CIZ1: variants seen among roughly 807,000 people sequenced by gnomAD.
The protein encoded by CIZ1 is cip1-interacting zinc finger protein.
CIZ1 carries 58 observed loss-of-function variants against 118.6 expected under a neutral mutation model. The ratio of observed to expected loss-of-function variants is 0.49; its 90% CI spans 0.40 to 0.61. The LOEUF is 0.61. CIZ1 is among the 20% of genes least tolerant of loss of function. The pLI is 0.00. For missense variants in CIZ1, 921 were observed against 1,115.9 expected (o/e 0.83, Z 2.49); for synonymous variants, 448 against 443.4 (o/e 1.01, Z -0.13).
At position 128,172,166 on chromosome 9, in the gene CIZ1, A is replaced by G. The variant is rs1438814684; in HGVS notation, c.1944-2059T>C. ...CTGTCTCAAAAAAAAAAAAAAAAAAAAAAAAAAAAAAGAAAAAAGAAAAGC... is the reference window on the plus strand; with the variant it reads ...CTGTCTCAAAAAAAAAAAAAAAAAAGAAAAAAAAAAAGAAAAAAGAAAAGC... On this transcript the variant is annotated intron_variant, in intron 11 of 16. Coordinates refer to ENST00000372938, the MANE Select transcript of CIZ1 (RefSeq NM_001131016.2). 1.7e-4 allele frequency among the ~76,000 whole-genome samples: 26 copies of G among 149,956 alleles called. 1 individual carries two copies. Among genetic ancestry groups the G allele is most frequent in the East Asian group, 7.8e-4 (4 of 5,124 alleles).
At position 128,176,442 on chromosome 9, in the gene CIZ1, G is replaced by A; in HGVS notation, c.1852C>T (p.Gln618Ter). The change falls in exon 11 of 17, where the codon CAG becomes TAG. Residue 618 changes from glutamine (Q) to a stop codon, truncating the protein, a stop_gained. Transcript: ENST00000372938. LOFTEE classifies it high-confidence loss of function. Reference protein sequence around the residue: ...FQDHMSEPQHQQRLGEIQHMS... With the variant: ...FQDHMSEPQH Reference sequence around the variant, plus strand: ...TGCTGGATCTCCCCTAGCCGCTGCTGGTGCTGAGGCTCCGACATGTGGTCC... The same window carrying A: ...TGCTGGATCTCCCCTAGCCGCTGCTAGTGCTGAGGCTCCGACATGTGGTCC... 1 of 1,613,806 alleles carries A rather than the reference G, an allele frequency of 6.2e-7. No individual in the cohort carries two copies. Among genetic ancestry groups the A allele is most frequent in the Non-Finnish European group, 8.5e-7 (1 of 1,179,962 alleles).
At chr9:128,176,687 A>C (rs992594428) in intron 10 of CIZ1, among the ~76,000 whole-genome samples, 2 of 152,196 alleles carry the variant, frequency 1.3e-5, no homozygotes, top group African/African-American at 4.8e-5. Flanking sequence ...AGAATGTGTG[A>C]GTGCCTCAAA....
At position 128,166,898 on chromosome 9, in the gene CIZ1, A is replaced by G. The variant is rs1829498277; in HGVS notation, c.2366-18T>C. ...GTCCACACCTGTAGGATGGGATGGCAGGGTCTGCACTCACATCCCTGTACC... is the reference window on the plus strand; with the variant it reads ...GTCCACACCTGTAGGATGGGATGGCGGGGTCTGCACTCACATCCCTGTACC... On this transcript the variant is annotated intron_variant, in intron 15 of 16. Coordinates refer to ENST00000372938, the MANE Select transcript of CIZ1 (RefSeq NM_001131016.2). The surrounding 1 kb of genome is among the most constrained non-coding windows in gnomAD (Gnocchi z 4.4). 1 of 1,614,070 alleles carries G rather than the reference A, an allele frequency of 6.2e-7. No individual in the cohort carries two copies. The highest frequency in any genetic ancestry group is 8.5e-7 in the Non-Finnish European group (1 of 1,180,014).
rs544826646 is a variant in CIZ1 at position 128,185,647 on chromosome 9, G to A, written c.488C>T (p.Pro163Leu). 7.6e-6 allele frequency: 12 copies of A among 1,583,970 alleles called. No homozygotes were observed. In the African/African-American group the frequency reaches 1.5e-4, roughly 19 times the overall value. The change falls in exon 5 of 17, where the codon CCT (proline) becomes CTT (leucine). Residue 163 changes from proline (P) to leucine (L), a missense_variant. Pro to Leu is a moderately conservative substitution (Grantham distance 98). Transcript: ENST00000372938. ...QATRQSLLGPPPVGVPMNPSQ... is the reference protein window; with the variant it reads ...QATRQSLLGPLPVGVPMNPSQ... ...AGGGTTCATGGGGACCCCAACAGGA[G>A]GAGGTCCCAGCAAGGACTGGCGAGT... is the stretch of plus-strand genomic sequence containing the variant.
intron 1 of CIZ1, chr9:128,198,015 C>T (rs1321784271): frequency 2.0e-5 from 3 of 152,264 alleles, no homozygotes; most frequent in African/African-American, 7.2e-5. Context: ...CAGACCTAAC[C>T]ATGGCACAAT....
upstream of CIZ1, chr9:128,191,983 T>TA (rs1401178321): frequency 1.5e-6 from 2 of 1,293,036 alleles, no homozygotes; most frequent in Admixed American, 3.4e-5. This position sits in a 1 kb window ranked among gnomAD's most constrained non-coding sequence, Gnocchi z 5.5. Flanking sequence ...GCCAAGGTCT[T>TA]ACAGTCCGTC....
chr9:128,166,353 C>T lies in CIZ1; in HGVS notation c.2541G>A (p.Arg847=). The change falls in exon 17 of 17, where the codon CGG becomes CGA. Residue 847 remains arginine, a synonymous_variant. Coordinates refer to ENST00000372938, the MANE Select transcript of CIZ1 (RefSeq NM_001131016.2). This position sits in a 1 kb window ranked among gnomAD's most constrained non-coding sequence, Gnocchi z 4.4. ...PSPTTRPVSR[R]CAINARNALT... is the part of the protein sequence containing the mutation. ...AAGCGTTCCGGGCGTTGATTGCGCA[C>T]CGGCGGCTCACAGGTCGGGTGGTGG... The T allele has an allele frequency of 6.4e-7, 1 of 1,562,424 alleles. No homozygotes were observed.
At chr9:128,174,280 C>T (rs1238189996) in intron 11 of CIZ1, among the ~76,000 whole-genome samples, 2 of 152,162 alleles carry the variant, frequency 1.3e-5, no homozygotes, top group African/African-American at 4.8e-5. Flanking sequence ...GCTTCAGAAA[C>T]GTGCACGTGA....
chr9:128,197,409 C>T (rs906026632), intron 1 of CIZ1: 11 of 152,354 alleles, frequency 7.2e-5, no homozygotes, highest in African/African-American at 2.7e-4. Context: ...TGGGAATAGG[C>T]TGTATTCAAC....
chr9:128,180,659 C>G, intron 6 of CIZ1, 62 bp downstream of exon 6: 2 of 1,413,644 alleles, frequency 1.4e-6, no homozygotes, highest in East Asian at 2.3e-5. Flanking sequence ...CACCTGCTGA[C>G]CCGCCCACTG....
chr9:128,174,030 A>AAAAC (rs1830553786), intron 11 of CIZ1, among the ~76,000 whole-genome samples: 4 of 149,664 alleles, frequency 2.7e-5, no homozygotes, highest in African/African-American at 9.8e-5. Flanking sequence ...AAAACAAAAA[A>AAAAC]AAAAAACAAA....
intron 2 of CIZ1, 81 bp downstream of exon 2, chr9:128,190,606 GA>G: frequency 3.3e-6 from 5 of 1,498,912 alleles, no homozygotes; most frequent in Non-Finnish European, 2.7e-6. Flanking sequence ...ATGGCACTGG[GA>G]AAAAGGATGG....
rs947999701 is a variant in CIZ1 at position 128,166,814 on chromosome 9, T to A, written c.2432A>T (p.Asn811Ile). 1 of 1,613,972 alleles carries A rather than the reference T, an allele frequency of 6.2e-7. No homozygotes were observed. The highest frequency in any genetic ancestry group is 8.5e-7 in the Non-Finnish European group (1 of 1,179,972). Residue 811 changes from asparagine (N) to isoleucine (I), a missense_variant, in exon 16 of 17, where the codon AAC (asparagine) becomes ATC (isoleucine). Physicochemically the swap from Asn to Ile is moderately radical, Grantham distance 149. Coordinates refer to ENST00000372938, the MANE Select transcript of CIZ1 (RefSeq NM_001131016.2). This position sits in a 1 kb window ranked among gnomAD's most constrained non-coding sequence, Gnocchi z 4.4. ...GCAGTGGGAGAGCTGTGCCCCTGAG[T>A]TGCTGTGATAGAACTTGTGGCAGAT... ...CRICHKFYHS[N>I]SGAQLSHCKS...
chr9:128,178,963 G>A lies in CIZ1; in HGVS notation c.1244C>T (p.Pro415Leu). The change falls in exon 8 of 17, where the codon CCC becomes CTC. Residue 415 changes from proline (P) to leucine (L), a missense_variant. Transcript: ENST00000372938. ...CAGCTGCAGCTGCACCTGCCTTGGG[G>A]GCTGTGAATGTGCCTGGGGCTGCAC... is the stretch of plus-strand genomic sequence containing the variant. ...PQVQPQAHSQ[P>L]PRQVQLQLQK... is the part of the protein sequence containing the mutation. 1 of 1,613,542 alleles carries A rather than the reference G, an allele frequency of 6.2e-7. No homozygotes were observed. The highest frequency in any genetic ancestry group is 8.5e-7 in the Non-Finnish European group (1 of 1,179,938).
chr9:128,202,524 C>T (rs1833560922), intron 1 of CIZ1, among the ~76,000 whole-genome samples: 1 of 152,144 alleles, frequency 6.6e-6, no homozygotes, highest in Non-Finnish European at 1.5e-5. Context: ...GGTGTCAGGG[C>T]CTCTGCACTT....
At position 128,173,931 on chromosome 9, in the gene CIZ1, A is replaced by G. The variant is rs549640985; in HGVS notation, c.1943+2420T>C. On this transcript the variant is annotated intron_variant, in intron 11 of 16. Transcript: ENST00000372938. ...GGAGGCAGGAGAATGGCGTGAACCC[A>G]GGAGGCGGAGCTTGCAGTGAGCCGA... Among the ~76,000 whole-genome samples the G allele has an allele frequency of 1.8e-3, 267 of 151,984 alleles. 1 individual carries two copies. The highest frequency in any genetic ancestry group is 5.4e-3 in the African/African-American group (224 of 41,482).
chr9:128,193,226 G>A (rs1034198598), upstream of CIZ1, among the ~76,000 whole-genome samples: 1 of 152,180 alleles, frequency 6.6e-6, no homozygotes, highest in African/African-American at 2.4e-5. Context: ...GGCGCCTATG[G>A]GTGAACAGGC....
chr9:128,178,803 C>G lies in CIZ1; in HGVS notation c.1404G>C (p.Gln468His). The G allele has an allele frequency of 6.2e-7, 1 of 1,614,264 alleles. No homozygotes were observed. The highest frequency in any genetic ancestry group is 1.1e-5 in the South Asian group (1 of 91,084). The change falls in exon 8 of 17, where the codon CAG (glutamine) becomes CAC (histidine). Residue 468 changes from glutamine to histidine, a missense_variant. Transcript: ENST00000372938. ...CTGGAGCCAGCAACGACACCTGCGG[C>G]TGGGTGTGAGGCTGCTCATGGGTCT... ...PEQTHEQPHTQPQVSLLAPEQ... is the reference protein window; with the variant it reads ...PEQTHEQPHTHPQVSLLAPEQ...
chr9:128,190,273 G>C (rs572470186), intron 3 of CIZ1, 56 bp downstream of exon 3: 1 of 1,230,032 alleles, frequency 8.1e-7, no homozygotes, highest in African/African-American at 1.5e-5. Context: ...AGAGCAATGC[G>C]CTGCTAGGGA....
Sources: gnomAD v4.1 joint callset for allele counts (sites outside exome capture counted in the v4.1 genomes callset) on GRCh38, gnomAD v4.1.1 for gene constraint, Gnocchi (gnomAD v3.1) non-coding constraint, MANE v1.5 for transcripts, NCBI Gene and HGNC (gene_info 2026-07-23, HGNC 2026-07-21) for gene names.